The following RAD51B variants were observed in gnomAD, a reference collection of about 807,000 sequenced individuals.
RAD51B encodes the protein RAD51 paralog B, also known as DNA repair protein RAD51 homolog 2.
A neutral mutation model predicts 42.2 loss-of-function variants in RAD51B; 38 were observed. The ratio of observed to expected loss-of-function variants is 0.90; its 90% CI spans 0.70 to 1.18. The LOEUF is 1.18. Ranked by LOEUF, RAD51B falls within the 50% of genes most tolerant of loss-of-function variation. RAD51B has a pLI of 0.00. For missense variants in RAD51B, 373 were observed against 400.7 expected (o/e 0.93, Z 0.59); for synonymous variants, 154 against 145.2 (o/e 1.06, Z -0.43).
At chr14:68,501,808 A>G (rs1192376900) in intron 10 of RAD51B, among the ~76,000 whole-genome samples, 1 of 152,288 alleles carries the variant, frequency 6.6e-6, no homozygotes, top group Non-Finnish European at 1.5e-5. Context: ...TGTGCAGCCC[A>G]GGTTCAGGCA....
At chr14:68,370,090 C>G (rs1055057771) in intron 8 of RAD51B, among the ~76,000 whole-genome samples, 5 of 152,208 alleles carry the variant, frequency 3.3e-5, no homozygotes, top group Admixed American at 1.3e-4. Flanking sequence ...TAGTGGAACA[C>G]TAAGCTTGTG....
intron 7 of RAD51B, among the ~76,000 whole-genome samples, chr14:68,110,687 G>A (rs571177403): frequency 6.6e-6 from 1 of 152,126 alleles, no homozygotes; most frequent in African/African-American, 2.4e-5. Flanking sequence ...GAAGCACTTA[G>A]AACTTAGAAT....
intron 8 of RAD51B, among the ~76,000 whole-genome samples, chr14:68,393,332 G>T (rs2083814440): frequency 6.6e-6 from 1 of 152,196 alleles, no homozygotes; most frequent in East Asian, 1.9e-4. Flanking sequence ...GTCAAACTAG[G>T]AAAGGTAATT....
chr14:68,354,216 G>T (rs904713722), intron 8 of RAD51B, among the ~76,000 whole-genome samples: 70 of 110,456 alleles, frequency 6.3e-4, no homozygotes, highest in Admixed American at 1.8e-3. Flanking sequence ...TGGTTTTTTG[G>T]TTTTTTTTTT....
intron 11 of RAD51B, among the ~76,000 whole-genome samples, chr14:68,673,081 C>T (rs1239432151): frequency 2.0e-5 from 3 of 152,198 alleles, no homozygotes; most frequent in African/African-American, 7.2e-5. Context: ...CTTAAACATG[C>T]ACAAAATCCT....
intron 7 of RAD51B, among the ~76,000 whole-genome samples, chr14:67,912,481 G>A (rs1021116330): frequency 1.3e-5 from 2 of 152,190 alleles, no homozygotes; most frequent in East Asian, 1.9e-4. Context: ...ATGAACCCAC[G>A]GCTGGTGCTC....
At chr14:67,972,542 A>T (rs1363463058) in intron 7 of RAD51B, among the ~76,000 whole-genome samples, 1 of 152,020 alleles carries the variant, frequency 6.6e-6, no homozygotes, top group Non-Finnish European at 1.5e-5. Context: ...ATAGTTTCAT[A>T]CATTATCTAC....
At chr14:68,652,609 T>G (rs1412791210) in intron 11 of RAD51B, among the ~76,000 whole-genome samples, 1 of 152,234 alleles carries the variant, frequency 6.6e-6, no homozygotes, top group African/African-American at 2.4e-5. Context: ...TGTTTCTTCT[T>G]GGATCCTGGA....
intron 7 of RAD51B, among the ~76,000 whole-genome samples, chr14:68,028,278 C>T (rs2075985136): frequency 6.6e-6 from 1 of 152,204 alleles, no homozygotes; most frequent in South Asian, 2.1e-4. Flanking sequence ...GCTTCTGGGC[C>T]TTGGGGGAGC....
At chr14:67,903,046 T>G (rs965597255) in intron 7 of RAD51B, among the ~76,000 whole-genome samples, 5 of 152,112 alleles carry the variant, frequency 3.3e-5, no homozygotes, top group East Asian at 3.9e-4. Context: ...TTAGGAGAGA[T>G]AGGGTTTCAC....
At chr14:68,167,919 TTATCTC>T (rs1314189437) in intron 7 of RAD51B, among the ~76,000 whole-genome samples, 1 of 152,184 alleles carries the variant, frequency 6.6e-6, no homozygotes, top group Non-Finnish European at 1.5e-5. Context: ...TACTTTAACT[TTATCTC>T]TAAAGCATAT....
At chr14:67,890,884 C>T (rs1298516359) in intron 7 of RAD51B, among the ~76,000 whole-genome samples, 1 of 151,430 alleles carries the variant, frequency 6.6e-6, no homozygotes, top group African/African-American at 2.4e-5. Context: ...TTAAATTGAC[C>T]TTTGTAGTAT....
At chr14:68,107,106 A>G (rs2077388135) in intron 7 of RAD51B, among the ~76,000 whole-genome samples, 1 of 151,828 alleles carries the variant, frequency 6.6e-6, no homozygotes, top group South Asian at 2.1e-4. Context: ...ATGTTTATAA[A>G]CATTCAGGAC....
At chr14:67,902,535 T>C (rs2043646403) in intron 7 of RAD51B, among the ~76,000 whole-genome samples, 1 of 152,220 alleles carries the variant, frequency 6.6e-6, no homozygotes, top group South Asian at 2.1e-4. Context: ...TTAAGATTTG[T>C]TTTAAAATTA....
chr14:68,156,455 T>C (rs925419524), intron 7 of RAD51B, among the ~76,000 whole-genome samples: 9 of 114,266 alleles, frequency 7.9e-5, no homozygotes, highest in South Asian at 3.3e-4. Flanking sequence ...CTTAGAAAAT[T>C]TCTCTCTCTC....
chr14:68,355,905 A>G (rs900530468), intron 8 of RAD51B, among the ~76,000 whole-genome samples: 1 of 152,200 alleles, frequency 6.6e-6, no homozygotes, highest in Non-Finnish European at 1.5e-5. Flanking sequence ...CAGCTGTGCT[A>G]TTATCCATTT....
chr14:68,110,767 A>G (rs536022633), intron 7 of RAD51B, among the ~76,000 whole-genome samples: 1 of 152,148 alleles, frequency 6.6e-6, no homozygotes, highest in South Asian at 2.1e-4. Flanking sequence ...GTAGAATTTT[A>G]ATACATGATT....
intron 7 of RAD51B, among the ~76,000 whole-genome samples, chr14:68,096,090 C>T (rs1055440284): frequency 2.0e-5 from 3 of 151,862 alleles, no homozygotes; most frequent in Admixed American, 6.6e-5. Context: ...CTCTAAAGCC[C>T]ATCTTTTTCA....
intron 8 of RAD51B, among the ~76,000 whole-genome samples, chr14:68,317,695 A>G (rs1307305462): frequency 6.6e-6 from 1 of 152,180 alleles, no homozygotes; most frequent in East Asian, 1.9e-4. Flanking sequence ...AAAGCAAAGA[A>G]CACTTGGAAT....
Sources: allele counts gnomAD v4.1 joint callset (sites outside exome capture counted in the v4.1 genomes callset), GRCh38; gene constraint gnomAD v4.1.1; transcripts MANE v1.5; gene names NCBI Gene and HGNC (gene_info 2026-07-23, HGNC 2026-07-21).